Variants in DYNLRB2 observed in about 807,000 individuals in gnomAD.
DYNLRB2 encodes dynein light chain roadblock-type 2.
DYNLRB2 carries 14 observed loss-of-function variants against 12.6 expected under a neutral mutation model. The observed-to-expected ratio is 1.11, with a 90% confidence interval of 0.73 to 1.73. The LOEUF is 1.73. DYNLRB2 is among the 40% of genes most tolerant of loss of function. The probability of loss-of-function intolerance (pLI) is 0.00; values close to 1 mark genes in which losing one functional copy is unlikely to be tolerated. For synonymous variants in DYNLRB2, 53 were observed against 37.0 expected (o/e 1.43, Z -1.57); for missense variants, 142 against 117.7 (o/e 1.21, Z -0.95).
intron 2 of DYNLRB2, among the ~76,000 whole-genome samples, chr16:80,545,415 G>C (rs749472395): frequency 3.3e-5 from 5 of 152,020 alleles, no homozygotes; most frequent in Admixed American, 6.6e-5. Flanking sequence ...TTAGTGTCTT[G>C]GGAAACTACT....
intron 2 of DYNLRB2, among the ~76,000 whole-genome samples, chr16:80,547,566 C>A (rs1904554114): frequency 6.6e-6 from 1 of 152,108 alleles, no homozygotes; most frequent in South Asian, 2.1e-4. Flanking sequence ...ACTAAATAGA[C>A]CTGAGCATCT....
chr16:80,543,574 C>A (rs1329757626), intron 2 of DYNLRB2, among the ~76,000 whole-genome samples: 2 of 152,218 alleles, frequency 1.3e-5, no homozygotes, highest in African/African-American at 2.4e-5. Context: ...GTCTAAAAAT[C>A]TCTATATACT....
chr16:80,548,878 G>T, intron 2 of DYNLRB2: 2 of 454,632 alleles, frequency 4.4e-6, no homozygotes, highest in South Asian at 3.1e-5. Context: ...AATACTGTGT[G>T]AGGAGTCCCT....
At chr16:80,548,033 C>T (rs1355201940) in intron 2 of DYNLRB2, 1 of 325,522 alleles carries the variant, frequency 3.1e-6, no homozygotes, top group Non-Finnish European at 6.0e-6. Flanking sequence ...AACACTCTTC[C>T]ATTCTTGAAA....
At chr16:80,548,443 C>G (rs1272797020) in intron 2 of DYNLRB2, among the ~76,000 whole-genome samples, 1 of 152,098 alleles carries the variant, frequency 6.6e-6, no homozygotes, top group Non-Finnish European at 1.5e-5. Flanking sequence ...AACAATAGAG[C>G]AGACTGGGCA....
intron 2 of DYNLRB2, chr16:80,547,652 C>T (rs1052913008): frequency 7.3e-6 from 3 of 411,160 alleles, no homozygotes; most frequent in African/African-American, 6.2e-5. Flanking sequence ...GAGCATTGCA[C>T]CCTTAGTAGG....
intron 1 of DYNLRB2, chr16:80,541,421 G>A (rs1597086645): frequency 3.0e-6 from 3 of 983,980 alleles, no homozygotes; most frequent in East Asian, 2.3e-4. Flanking sequence ...GGGGCGGGAG[G>A]CCGAGATGGA....
chr16:80,540,946 G>C (rs1002483437), upstream of DYNLRB2: 5 of 1,523,744 alleles, frequency 3.3e-6, no homozygotes, highest in Non-Finnish European at 2.7e-6. Context: ...CGACTCGCGA[G>C]CGCGCAGGCG....
intron 2 of DYNLRB2, among the ~76,000 whole-genome samples, chr16:80,548,412 T>C (rs968469095): frequency 6.6e-6 from 1 of 152,228 alleles, no homozygotes; most frequent in Admixed American, 6.5e-5. Flanking sequence ...TAATAGTTTC[T>C]GTTTTAAACT....
intron 3 of DYNLRB2, among the ~76,000 whole-genome samples, chr16:80,550,293 C>A (rs8061173): frequency 1.4e-3 from 214 of 152,262 alleles, no homozygotes; most frequent in African/African-American, 4.9e-3. Flanking sequence ...TTTTTCCATT[C>A]CTGGGACTGC....
intron 2 of DYNLRB2, among the ~76,000 whole-genome samples, chr16:80,545,325 GTATCC>G (rs1173702071): frequency 4.6e-5 from 7 of 152,070 alleles, no homozygotes; most frequent in African/African-American, 7.2e-5. Context: ...GTAAATAAAT[GTATCC>G]TAACAGTAGG....
rs370874644 is a variant in DYNLRB2, at chr16:80,543,321, G to C, written c.49G>C (p.Val17Leu). 37 of 1,613,892 alleles carry C rather than the reference G, an allele frequency of 2.3e-5. No homozygotes were observed. The African/African-American group carries it at 4.7e-4, about 20-fold the overall frequency. ...AAAGAGGATCCAGAGTCATAAAGGG[G>C]TTATTGGAACTATGGTTGTAAATGC... ...TLKRIQSHKG[V>L]IGTMVVNAEG... The change falls in exon 2 of 4, where the codon GTT becomes CTT. Residue 17 changes from valine to leucine, a missense_variant. Val to Leu is a conservative substitution (Grantham distance 32, BLOSUM62 1). Coordinates refer to ENST00000305904, the MANE Select transcript of DYNLRB2 (RefSeq NM_130897.3).
intron 2 of DYNLRB2, among the ~76,000 whole-genome samples, chr16:80,545,900 AC>A (rs1378460105): frequency 3.3e-5 from 5 of 149,860 alleles, no homozygotes; most frequent in Non-Finnish European, 7.4e-5. Context: ...CGATCTCCTG[AC>A]CTTGTGATCC....
intron 2 of DYNLRB2, among the ~76,000 whole-genome samples, chr16:80,546,121 A>G (rs1407612857): frequency 2.0e-5 from 3 of 152,172 alleles, no homozygotes; most frequent in Non-Finnish European, 2.9e-5. Context: ...GCTTATTTTT[A>G]TGGTTCGATT....
At chr16:80,545,010 G>A (rs996137329) in intron 2 of DYNLRB2, among the ~76,000 whole-genome samples, 24 of 152,138 alleles carry the variant, frequency 1.6e-4, no homozygotes, top group Admixed American at 3.3e-4. Context: ...CACCTTCTGA[G>A]GTTTATATTG....
intron 2 of DYNLRB2, among the ~76,000 whole-genome samples, chr16:80,546,450 T>G (rs1440581277): frequency 6.6e-6 from 1 of 152,216 alleles, no homozygotes; most frequent in Non-Finnish European, 1.5e-5. Context: ...CTTATTCATT[T>G]AGATATCATC....
chr16:80,542,572 C>G (rs953729405), intron 1 of DYNLRB2, among the ~76,000 whole-genome samples: 1 of 152,170 alleles, frequency 6.6e-6, no homozygotes, highest in African/African-American at 2.4e-5. Context: ...TGGAAAAGAT[C>G]GTTCTTGTCT....
At chr16:80,550,392 G>C in intron 3 of DYNLRB2, 123 bp from the exon 4 acceptor site, 1 of 1,061,818 alleles carries the variant, frequency 9.4e-7, no homozygotes. Context: ...GTGCAGATAG[G>C]GTGGGAAACC....
chr16:80,545,430 G>A (rs1371664147), intron 2 of DYNLRB2, among the ~76,000 whole-genome samples: 2 of 152,076 alleles, frequency 1.3e-5, no homozygotes, highest in Admixed American at 1.3e-4. Context: ...ACTACTCACA[G>A]TATTAGATGA....
Sources: gnomAD v4.1 joint callset for allele counts (sites outside exome capture counted in the v4.1 genomes callset) on GRCh38, gnomAD v4.1.1 for gene constraint, MANE v1.5 for transcripts, NCBI Gene and HGNC (gene_info 2026-07-23, HGNC 2026-07-21) for gene names.